The following MAGI2 variants were observed in gnomAD, a reference collection of about 807,000 sequenced individuals.
The protein encoded by MAGI2 is membrane-associated guanylate kinase, WW and PDZ domain-containing protein 2.
In MAGI2, 35 loss-of-function variants were observed where a neutral mutation model predicts 133.3. The observed-to-expected ratio is 0.26, with a 90% CI of 0.20 to 0.35. MAGI2 has a LOEUF of 0.35. MAGI2 is among the 10% of genes least tolerant of loss of function. MAGI2 has a pLI of 1.00. For synonymous variants in MAGI2, 729 were observed against 710.6 expected, an observed-to-expected ratio of 1.03 and a Z score of -0.41; for missense variants, 1,636 against 1,863.4, an observed-to-expected ratio of 0.88 and a Z score of 2.25.
In MAGI2 at chr7:79,319,047, C is replaced by T. The variant is rs17152252; in HGVS notation, c.301+133973G>A. Among the ~76,000 whole-genome samples the T allele has an allele frequency of 3.3e-3, 507 of 152,226 alleles. 2 individuals are homozygous for T. Among genetic ancestry groups the T allele is most frequent in the African/African-American group, 0.011 (467 of 41,560 alleles). On this transcript the variant is annotated intron_variant, in intron 1 of 21. Transcript: ENST00000354212. ...TTACTATATGAAAGGGTTCTTAAAG[C>T]GAGATGTGAATCTATTGGTATCTCA...
chr7:79,375,471 A>C (rs1229023684), intron 1 of MAGI2, among the ~76,000 whole-genome samples: 2 of 152,020 alleles, frequency 1.3e-5, no homozygotes, highest in East Asian at 1.9e-4. Flanking sequence ...AATAAGATAC[A>C]AATAATTTTT....
chr7:78,713,448 A>C (rs1431892588), intron 2 of MAGI2, among the ~76,000 whole-genome samples: 1 of 152,184 alleles, frequency 6.6e-6, no homozygotes, highest in African/African-American at 2.4e-5. Context: ...CTAAAACTAC[A>C]TACAAGTGGA....
At chr7:79,314,607 T>C (rs1838559573) in intron 1 of MAGI2, among the ~76,000 whole-genome samples, 1 of 152,188 alleles carries the variant, frequency 6.6e-6, no homozygotes, top group Non-Finnish European at 1.5e-5. Context: ...TCCTGCTAAA[T>C]GCATTGCAGT....
chr7:79,180,224 T>C (rs764119135), intron 1 of MAGI2, among the ~76,000 whole-genome samples: 19 of 152,024 alleles, frequency 1.2e-4, no homozygotes, highest in Non-Finnish European at 2.5e-4. Context: ...TCTTGCCCCA[T>C]TTAGAATAGC....
intron 2 of MAGI2, among the ~76,000 whole-genome samples, chr7:78,880,593 A>G (rs1481100753): frequency 6.6e-6 from 1 of 152,208 alleles, no homozygotes; most frequent in African/African-American, 2.4e-5. Context: ...ACACGGAAAC[A>G]AAAGAACAAT....
intron 5 of MAGI2, 104 bp from the exon 6 acceptor site, chr7:78,489,944 T>G: frequency 1.3e-6 from 1 of 771,968 alleles, no homozygotes; most frequent in East Asian, 2.5e-5. Flanking sequence ...TTGCAATCGA[T>G]ACACTTAATT....
chr7:78,786,277 G>T (rs1826813372), intron 2 of MAGI2, among the ~76,000 whole-genome samples: 1 of 152,070 alleles, frequency 6.6e-6, no homozygotes, highest in African/African-American at 2.4e-5. Context: ...CCAGCAGGCG[G>T]GTCCAAGCTA....
At chr7:78,047,400 G>C (rs978852636) in intron 21 of MAGI2, among the ~76,000 whole-genome samples, 3 of 152,214 alleles carry the variant, frequency 2.0e-5, no homozygotes, top group Admixed American at 6.5e-5. Context: ...ATGGTAGCCT[G>C]TTGCCTTTTA....
At chr7:79,293,236 A>C (rs1001225068) in intron 1 of MAGI2, among the ~76,000 whole-genome samples, 1 of 152,084 alleles carries the variant, frequency 6.6e-6, no homozygotes, top group African/African-American at 2.4e-5. Flanking sequence ...CTTAGTTATG[A>C]TCTTACTTAA....
At chr7:79,347,461 AT>A (rs11348137) in intron 1 of MAGI2, among the ~76,000 whole-genome samples, 75,576 of 150,074 alleles carry the variant, frequency 0.5, 20,395 homozygotes, top group African/African-American at 0.71. Context: ...ATCTTAAGCA[AT>A]TTTTTTTTTG....
chr7:79,277,636 T>G (rs1835330840), intron 1 of MAGI2, among the ~76,000 whole-genome samples: 1 of 152,110 alleles, frequency 6.6e-6, no homozygotes, highest in Non-Finnish European at 1.5e-5. Context: ...CTTAAAATAT[T>G]TAACAATGGG....
chr7:78,552,924 T>C (rs1210185072), intron 3 of MAGI2, among the ~76,000 whole-genome samples: 1 of 151,244 alleles, frequency 6.6e-6, no homozygotes, highest in East Asian at 1.9e-4. Context: ...CGAGAACAAA[T>C]TGCCCCCCCA....
At chr7:78,099,213 T>C (rs1331269890) in intron 20 of MAGI2, among the ~76,000 whole-genome samples, 1 of 152,234 alleles carries the variant, frequency 6.6e-6, no homozygotes, top group Admixed American at 6.5e-5. Context: ...AATCCTTAGA[T>C]GTTTAAGAGG....
chr7:78,640,919 C>T (rs1043598764), intron 2 of MAGI2, among the ~76,000 whole-genome samples: 3 of 152,128 alleles, frequency 2.0e-5, no homozygotes, highest in Admixed American at 6.5e-5. Flanking sequence ...ATTGTCATTC[C>T]CATAATCCCT....
chr7:78,635,100 T>A (rs1022117726), intron 2 of MAGI2, among the ~76,000 whole-genome samples: 1 of 152,208 alleles, frequency 6.6e-6, no homozygotes, highest in Admixed American at 6.5e-5. Flanking sequence ...CATGAGTTAA[T>A]GAAAGCATAC....
chr7:78,591,998 G>A (rs1202861198), intron 3 of MAGI2, among the ~76,000 whole-genome samples: 9 of 152,080 alleles, frequency 5.9e-5, no homozygotes, highest in Non-Finnish European at 7.4e-5. Context: ...ATAAGAACAA[G>A]GAAATTCCTT....
intron 2 of MAGI2, among the ~76,000 whole-genome samples, chr7:78,980,867 T>C (rs115842639): frequency 0.024 from 3,661 of 151,926 alleles, 144 homozygotes; most frequent in African/African-American, 0.083. Context: ...GTTAGTCTTT[T>C]AGTCTAAAGA....
At chr7:79,353,529 C>T in intron 1 of MAGI2, 1 of 454,244 alleles carries the variant, frequency 2.2e-6, no homozygotes, top group South Asian at 1.6e-5. Context: ...TCTCCTGCAG[C>T]TATGGCCACC....
intron 6 of MAGI2, among the ~76,000 whole-genome samples, chr7:78,474,550 A>G (rs1294035052): frequency 6.6e-6 from 1 of 152,014 alleles, no homozygotes. Context: ...CACTTTCAAA[A>G]TTCAGAGTGA....
Sources: gnomAD v4.1 joint callset for allele counts (sites outside exome capture counted in the v4.1 genomes callset) on GRCh38, gnomAD v4.1.1 for gene constraint, MANE v1.5 for transcripts, NCBI Gene and HGNC (gene_info 2026-07-23, HGNC 2026-07-21) for gene names.